Variants in PLCXD3 observed in about 807,000 individuals in gnomAD.
The protein encoded by PLCXD3 is PI-PLC X domain-containing protein 3.
PLCXD3 carries 19 observed loss-of-function variants against 25.5 expected under a neutral mutation model. The ratio of observed to expected loss-of-function variants is 0.75; its 90% confidence interval spans 0.52 to 1.09. The LOEUF (loss-of-function observed/expected upper bound fraction) is 1.09. Among genes scored for constraint, PLCXD3 ranks in the 50% least tolerant of loss-of-function variants. The pLI is 0.00. For missense variants in PLCXD3, 411 were observed against 388.1 expected (o/e 1.06, Z -0.50); for synonymous variants, 174 against 137.6 (o/e 1.26, Z -1.85).
chr5:41,470,946 G>C (rs1748142619), intron 1 of PLCXD3, among the ~76,000 whole-genome samples: 1 of 152,148 alleles, frequency 6.6e-6, no homozygotes, highest in South Asian at 2.1e-4. Flanking sequence ...TAGTTAAAGT[G>C]ATGAAAACAA....
chr5:41,351,382 C>T (rs982283744), intron 2 of PLCXD3, among the ~76,000 whole-genome samples: 3 of 152,166 alleles, frequency 2.0e-5, no homozygotes, highest in African/African-American at 7.2e-5. Flanking sequence ...TTTCATCCAT[C>T]ATTGTATTCC....
intron 1 of PLCXD3, among the ~76,000 whole-genome samples, chr5:41,488,392 T>G (rs1344451417): frequency 7.6e-6 from 1 of 130,924 alleles, no homozygotes; most frequent in Non-Finnish European, 1.6e-5. Flanking sequence ...TAAACATACG[T>G]GTGCATGTGT....
At chr5:41,337,664 A>G (rs772654020) in intron 2 of PLCXD3, among the ~76,000 whole-genome samples, 6 of 152,206 alleles carry the variant, frequency 3.9e-5, no homozygotes, top group African/African-American at 7.2e-5. Flanking sequence ...GACACTTGCA[A>G]TCATGCATAA....
At chr5:41,496,235 G>A (rs1452567487) in intron 1 of PLCXD3, among the ~76,000 whole-genome samples, 2 of 151,790 alleles carry the variant, frequency 1.3e-5, no homozygotes, top group African/African-American at 4.8e-5. Context: ...TAATTAAGCA[G>A]ACCAATATAC....
At chr5:41,398,108 A>C (rs915706765) in intron 1 of PLCXD3, among the ~76,000 whole-genome samples, 1 of 152,174 alleles carries the variant, frequency 6.6e-6, no homozygotes, top group South Asian at 2.1e-4. Flanking sequence ...CTGTGTTTTG[A>C]AATGTGAGAA....
chr5:41,383,319 A>T (rs1002390454), intron 1 of PLCXD3, among the ~76,000 whole-genome samples: 1 of 152,068 alleles, frequency 6.6e-6, no homozygotes, highest in Admixed American at 6.6e-5. Context: ...TGGCTTCTAA[A>T]TTTAGAAGAA....
intron 1 of PLCXD3, among the ~76,000 whole-genome samples, chr5:41,477,224 G>A (rs1432936344): frequency 2.0e-5 from 3 of 152,070 alleles, no homozygotes; most frequent in Non-Finnish European, 4.4e-5. Context: ...TAACAGTATA[G>A]AAATGGTACT....
In PLCXD3 at chr5:41,309,153, C is replaced by T. The variant is rs753660807; in HGVS notation, c.*4464G>A. 6.6e-5 allele frequency: 10 copies of T among 152,492 alleles called. No homozygotes were observed. The highest frequency in any genetic ancestry group is 2.0e-4 in the Admixed American group (3 of 15,240). The allele number at this position is 152,492 out of a possible 1,614,324, so 9.4% of individuals were successfully genotyped here. On this transcript the variant is annotated 3_prime_UTR_variant, in exon 3 of 3. Transcript: ENST00000377801. ...ACCACATACAAGCACATACTTTTGA[C>T]TCATACAAATATACGTTTAAAACTA... is the stretch of plus-strand genomic sequence containing the variant.
At chr5:41,472,825 T>C (rs1364052840) in intron 1 of PLCXD3, among the ~76,000 whole-genome samples, 1 of 152,232 alleles carries the variant, frequency 6.6e-6, no homozygotes, top group African/African-American at 2.4e-5. Flanking sequence ...CAGATCATTG[T>C]AGGTACTAAT....
chr5:41,424,921 T>G (rs1026147683), intron 1 of PLCXD3, among the ~76,000 whole-genome samples: 17 of 152,218 alleles, frequency 1.1e-4, no homozygotes, highest in African/African-American at 3.9e-4. Flanking sequence ...CTTACTAATT[T>G]TCTAACTTTA....
At chr5:41,439,076 C>T (rs186956497) in intron 1 of PLCXD3, among the ~76,000 whole-genome samples, 1 of 152,214 alleles carries the variant, frequency 6.6e-6, no homozygotes, top group Non-Finnish European at 1.5e-5. Context: ...CTCACGGACA[C>T]TTCCTGATAT....
At chr5:41,364,003 C>T (rs916802254) in intron 2 of PLCXD3, among the ~76,000 whole-genome samples, 3 of 152,192 alleles carry the variant, frequency 2.0e-5, no homozygotes, top group Non-Finnish European at 4.4e-5. Context: ...AAGTAAATGA[C>T]TGTCACAAGA....
chr5:41,343,130 G>A (rs1373022891), intron 2 of PLCXD3, among the ~76,000 whole-genome samples: 1 of 152,044 alleles, frequency 6.6e-6, no homozygotes, highest in East Asian at 1.9e-4. Flanking sequence ...ACAAGCATAG[G>A]ATCCTTAGAG....
At chr5:41,423,317 CTTAA>C (rs1303798760) in intron 1 of PLCXD3, among the ~76,000 whole-genome samples, 1 of 151,808 alleles carries the variant, frequency 6.6e-6, no homozygotes. Flanking sequence ...TTTTTTTATG[CTTAA>C]TTATTATAAG....
In PLCXD3 at chr5:41,471,171, A is replaced by G. The variant is rs138531200; in HGVS notation, c.103+39253T>C. Among the ~76,000 whole-genome samples the G allele has an allele frequency of 1.4e-3, 213 of 152,146 alleles. 1 individual carries two copies. The highest frequency in any genetic ancestry group is 1.2e-4 in the Non-Finnish European group (8 of 67,982). Reference sequence around the variant, plus strand: ...CCTCTGCAAGGACACCAATTTAACAACTATCTACACAAACAAAGCACCTTC... The same window carrying G: ...CCTCTGCAAGGACACCAATTTAACAGCTATCTACACAAACAAAGCACCTTC... On this transcript the variant is annotated intron_variant, in intron 1 of 2. Transcript: ENST00000377801.
Position 41,393,572 on chromosome 5 carries a change from T to C in PLCXD3, c.104-11038A>G, listed in dbSNP as rs1745903173. Among the ~76,000 whole-genome samples, 3 of 152,140 alleles carry C rather than the reference T, an allele frequency of 2.0e-5. No individual in the cohort carries two copies. The South Asian group carries it at 6.2e-4, about 32-fold the overall frequency. On this transcript the variant is annotated intron_variant, in intron 1 of 2. Transcript: ENST00000377801. ...CCTAGAAGAAATATTAAAAAGTCCT[T>C]CAAACAGAAAGAAAAGGACATTAAT...
At position 41,312,558 on chromosome 5, in the gene PLCXD3, C is replaced by T. The variant is rs537359352; in HGVS notation, c.*1059G>A. 10 of 151,924 alleles carry T rather than the reference C, an allele frequency of 6.6e-5. No individual in the cohort carries two copies. The East Asian group carries it at 1.7e-3, about 26-fold the overall frequency. The allele number at this position is 151,924 out of a possible 1,614,324, so 9.4% of individuals were successfully genotyped here. ...TTCTTCCTTCCTCTCTTCCTCCCTC[C>T]CTCCCTCTCTTCCTCCCTCCCTCCC... is the stretch of plus-strand genomic sequence containing the variant. On this transcript the variant is annotated 3_prime_UTR_variant, in exon 3 of 3. Transcript: ENST00000377801.
intron 2 of PLCXD3, among the ~76,000 whole-genome samples, chr5:41,371,010 A>T (rs1745079105): frequency 6.6e-6 from 1 of 152,164 alleles, no homozygotes; most frequent in Non-Finnish European, 1.5e-5. Context: ...GAAATTTAAG[A>T]TCACAGAGAA....
intron 2 of PLCXD3, among the ~76,000 whole-genome samples, chr5:41,359,426 T>C (rs1186129067): frequency 2.0e-5 from 3 of 152,182 alleles, no homozygotes; most frequent in African/African-American, 7.2e-5. Context: ...TTTCTATATC[T>C]TCCTGGTTTA....
Sources: gnomAD v4.1 joint callset for allele counts (sites outside exome capture counted in the v4.1 genomes callset) on GRCh38, gnomAD v4.1.1 for gene constraint, MANE v1.5 for transcripts, NCBI Gene and HGNC (gene_info 2026-07-23, HGNC 2026-07-21) for gene names.